Variants in NAV3 observed in about 807,000 individuals in gnomAD.
The protein encoded by NAV3 is neuron navigator 3, also known as pore membrane and/or filament interacting like protein 1.
A neutral mutation model predicts 244.7 loss-of-function variants in NAV3; 87 were observed. The observed-to-expected ratio is 0.36, with a 90% CI of 0.30 to 0.42. The LOEUF is 0.42. Ranked by LOEUF, NAV3 falls within the 20% of genes least tolerant of loss-of-function variation. The probability of loss-of-function intolerance (pLI) is 1.00; values close to 1 mark genes in which losing one functional copy is unlikely to be tolerated. For missense variants in NAV3, 2,663 were observed against 2,893.3 expected, an observed-to-expected ratio of 0.92 and a Z score of 1.83; for synonymous variants, 1,126 against 1,042.2, an observed-to-expected ratio of 1.08 and a Z score of -1.55.
chr12:78,040,739 T>A (rs1880714149), intron 9 of NAV3, among the ~76,000 whole-genome samples: 2 of 152,186 alleles, frequency 1.3e-5, no homozygotes, highest in Non-Finnish European at 1.5e-5. Flanking sequence ...AAAAAGGACA[T>A]CTCAATATAC....
At chr12:77,603,216 G>T (rs1870518759) in intron 2 of NAV3, among the ~76,000 whole-genome samples, 2 of 151,990 alleles carry the variant, frequency 1.3e-5, no homozygotes, top group Admixed American at 6.6e-5. Flanking sequence ...ATGCTCTTTG[G>T]TATGTGGAAA....
chr12:77,860,466 T>C (rs1193700311), intron 1 of NAV3, among the ~76,000 whole-genome samples: 1 of 151,602 alleles, frequency 6.6e-6, no homozygotes, highest in African/African-American at 2.4e-5. Context: ...ATAATGTATA[T>C]TATTAAAAAT....
At chr12:77,759,135 C>A (rs1869339838) in intron 2 of NAV3, among the ~76,000 whole-genome samples, 1 of 152,140 alleles carries the variant, frequency 6.6e-6, no homozygotes, top group South Asian at 2.1e-4. Flanking sequence ...CATCCTTAAT[C>A]CCTATATTGG....
At chr12:77,916,023 A>G (rs973803178) in intron 1 of NAV3, among the ~76,000 whole-genome samples, 2 of 152,032 alleles carry the variant, frequency 1.3e-5, no homozygotes, top group African/African-American at 4.8e-5. Context: ...ACAGTGATGG[A>G]ATTGCAATGG....
rs574190856 is a variant in NAV3, at chr12:78,070,153, A to G, written c.2636+11038A>G. Among the ~76,000 whole-genome samples, 5 of 152,248 alleles carry G rather than the reference A, an allele frequency of 3.3e-5. No homozygotes were observed. In the East Asian group the frequency reaches 7.7e-4, roughly 24 times the overall value. On this transcript the variant is annotated intron_variant, in intron 12 of 39. Coordinates refer to ENST00000397909, the MANE Select transcript of NAV3 (RefSeq NM_001024383.2). Reference sequence around the variant, plus strand: ...TAGCCACATCTACCTGACTGTTCAAATATTTGCTAGGTAAAAATAAAATTA... The same window carrying G: ...TAGCCACATCTACCTGACTGTTCAAGTATTTGCTAGGTAAAAATAAAATTA...
intron 2 of NAV3, among the ~76,000 whole-genome samples, chr12:77,709,335 C>T (rs945561483): frequency 2.0e-5 from 3 of 152,160 alleles, no homozygotes; most frequent in African/African-American, 4.8e-5. Context: ...GACAAACCCA[C>T]AGCCAATATC....
chr12:77,883,797 A>G (rs1882959697), intron 1 of NAV3, among the ~76,000 whole-genome samples: 1 of 151,944 alleles, frequency 6.6e-6, no homozygotes, highest in Admixed American at 6.6e-5. Flanking sequence ...TTGTTACTCT[A>G]TTGGTTTTTC....
At chr12:77,720,458 T>C (rs560417439) in intron 2 of NAV3, among the ~76,000 whole-genome samples, 2 of 152,218 alleles carry the variant, frequency 1.3e-5, no homozygotes, top group African/African-American at 4.8e-5. Flanking sequence ...TGTACTCTCT[T>C]TCTTCCTCTT....
At chr12:77,845,440 A>G (rs1017123328) in intron 1 of NAV3, among the ~76,000 whole-genome samples, 1 of 152,110 alleles carries the variant, frequency 6.6e-6, no homozygotes, top group Non-Finnish European at 1.5e-5. Flanking sequence ...CAAGTACTTT[A>G]TTTATTTTAT....
At position 77,774,766 on chromosome 12, in the gene NAV3, C is replaced by T. The variant is rs568500675; in HGVS notation, c.73-165553C>T. ...ATAATCTCCCTCTGATTAACATGGG[C>T]TGGCGAAAGACTATATACCCAAAAC... On this transcript the variant is annotated intron_variant, in intron 2 of 8. Coordinates refer to the NAV3 transcript ENST00000550042. Among the ~76,000 whole-genome samples, 3 of 152,192 alleles carry T rather than the reference C, an allele frequency of 2.0e-5. No individual in the cohort carries two copies. In the South Asian group the frequency reaches 6.2e-4, roughly 32 times the overall value.
intron 1 of NAV3, among the ~76,000 whole-genome samples, chr12:77,934,472 T>C (rs937998568): frequency 2.6e-5 from 4 of 152,156 alleles, no homozygotes; most frequent in Non-Finnish European, 5.9e-5. Context: ...CATTCTCAGG[T>C]CCAAATGCTA....
intron 18 of NAV3, among the ~76,000 whole-genome samples, chr12:78,132,316 C>T (rs886773435): frequency 6.6e-6 from 1 of 152,106 alleles, no homozygotes; most frequent in African/African-American, 2.4e-5. Flanking sequence ...AAATACATCC[C>T]TTACATTTCA....
At chr12:78,041,506 GATC>G (rs1300077512) in intron 9 of NAV3, among the ~76,000 whole-genome samples, 1 of 152,178 alleles carries the variant, frequency 6.6e-6, no homozygotes, top group Non-Finnish European at 1.5e-5. Context: ...TTTGGTTTCA[GATC>G]CACTGGAACC....
intron 10 of NAV3, 37 bp downstream of exon 10, chr12:78,050,138 GA>G: frequency 1.4e-6 from 2 of 1,397,826 alleles, no homozygotes; most frequent in Non-Finnish European, 2.0e-6. Context: ...AGCCAATAAA[GA>G]AAAAATAATT....
chr12:77,837,343 A>T (rs1555212543), intron 1 of NAV3, among the ~76,000 whole-genome samples: 4 of 152,062 alleles, frequency 2.6e-5, no homozygotes. Flanking sequence ...ATGGAGAAAG[A>T]TCTTATGTAA....
chr12:77,796,063 T>G (rs777743466), intron 2 of NAV3, among the ~76,000 whole-genome samples: 1 of 152,182 alleles, frequency 6.6e-6, no homozygotes, highest in Non-Finnish European at 1.5e-5. Flanking sequence ...CTTTCAAGTT[T>G]TATTGTTTAA....
Position 77,899,574 on chromosome 12 carries a change from G to A in NAV3, c.244-40745G>A, listed in dbSNP as rs75113780. Among the ~76,000 whole-genome samples the A allele has an allele frequency of 6.1e-3, 936 of 152,312 alleles. 11 individuals are homozygous for A. The highest frequency in any genetic ancestry group is 0.022 in the African/African-American group (905 of 41,564). ...ACGTAATACTCATGCACACTTAATA[G>A]ACTACAGTATAGTACAAACATAACT... On this transcript the variant is annotated intron_variant, in intron 1 of 39. Coordinates refer to ENST00000397909, the MANE Select transcript of NAV3 (RefSeq NM_001024383.2).
intron 2 of NAV3, among the ~76,000 whole-genome samples, chr12:77,694,904 T>C (rs1225910939): frequency 6.6e-6 from 1 of 152,136 alleles, no homozygotes; most frequent in Non-Finnish European, 1.5e-5. Context: ...GGAAAGAGAC[T>C]AAGATATAGG....
At chr12:78,171,212 G>A (rs1957985915) in intron 24 of NAV3, among the ~76,000 whole-genome samples, 1 of 151,624 alleles carries the variant, frequency 6.6e-6, no homozygotes, top group East Asian at 1.9e-4. Context: ...GTGATGCATG[G>A]AAAATTACTG....
Sources: gnomAD v4.1 joint callset for allele counts (sites outside exome capture counted in the v4.1 genomes callset) on GRCh38, gnomAD v4.1.1 for gene constraint, MANE v1.5 for transcripts, NCBI Gene and HGNC (gene_info 2026-07-23, HGNC 2026-07-21) for gene names.